Variants in CAPNS2 observed in about 807,000 individuals in gnomAD.
The protein encoded by CAPNS2 is calpain small subunit 2.
CAPNS2 carries 13 observed loss-of-function variants against 17.5 expected under a neutral mutation model. The ratio of observed to expected loss-of-function variants is 0.74; its 90% CI spans 0.48 to 1.18. CAPNS2 has a LOEUF of 1.18. Among genes scored for constraint, CAPNS2 ranks in the 50% most tolerant of loss-of-function variants. The pLI, the probability that CAPNS2 is intolerant of heterozygous loss-of-function variation, is 0.00. For missense variants in CAPNS2, 279 were observed against 301.6 expected (o/e 0.93, Z 0.55); for synonymous variants, 101 against 108.2 (o/e 0.93, Z 0.41).
At position 55,567,229 on chromosome 16, in the gene CAPNS2, A is replaced by T. The variant is rs1461910223; in HGVS notation, c.473A>T (p.Tyr158Phe). Reference sequence around the variant, plus strand: ...AACATCAAGAAATGGCAGTGTGTTTATAAGCAGTATGACAGGGACCATTCT... The same window carrying T: ...AACATCAAGAAATGGCAGTGTGTTTTTAAGCAGTATGACAGGGACCATTCT... ...WNNIKKWQCV[Y>F]KQYDRDHSGS... Residue 158 changes from tyrosine (Y) to phenylalanine (F), a missense_variant, in exon 1 of 1, where the codon TAT becomes TTT. Transcript: ENST00000457326. The T allele has an allele frequency of 6.2e-7, 1 of 1,613,708 alleles. No homozygotes were observed. The highest frequency in any genetic ancestry group is 1.3e-5 in the African/African-American group (1 of 74,922).
chr16:55,567,558 C>G lies in CAPNS2; in HGVS notation c.*55C>G. ...TGGAGGACAGGACTGAAAACCTTGC[C>G]AAGCTGTACACAGTTGCTGATACCC... On this transcript the variant is annotated 3_prime_UTR_variant, in exon 1 of 1. Transcript: ENST00000457326. 6.4e-7 allele frequency: 1 copy of G among 1,555,050 alleles called. No homozygotes were observed. Among genetic ancestry groups the G allele is most frequent in the Non-Finnish European group, 8.7e-7 (1 of 1,146,026 alleles).
At position 55,567,098 on chromosome 16, in the gene CAPNS2, T is replaced by G. The variant is rs2142413533; in HGVS notation, c.342T>G (p.Leu114=). Residue 114 remains leucine (L), a synonymous_variant, in exon 1 of 1, where the codon CTT becomes CTG. Coordinates refer to ENST00000457326, the MANE Select transcript of CAPNS2 (RefSeq NM_032330.3). ...LNKVLSKHKD[L]KTDGFSLDTC... ...AAGTCCTTTCTAAGCACAAAGATCT[T>G]AAGACTGACGGTTTTAGTCTTGACA... 6.2e-7 allele frequency: 1 copy of G among 1,613,840 alleles called. No homozygotes were observed. Among genetic ancestry groups the G allele is most frequent in the Non-Finnish European group, 8.5e-7 (1 of 1,179,872 alleles).
rs1353504833 is a variant in CAPNS2 at position 55,566,930 on chromosome 16, A to G, written c.174A>G (p.Pro58=). 1 of 1,613,780 alleles carries G rather than the reference A, an allele frequency of 6.2e-7. No individual in the cohort carries two copies. The highest frequency in any genetic ancestry group is 1.7e-5 in the Admixed American group (1 of 59,920). ...AGGCTGCAGCAGCTCAGTATACTCC[A>G]GAACCGCCTCCCACTCAGCAGCATT... is the stretch of plus-strand genomic sequence containing the variant. ...ISEAAAAQYT[P]EPPPTQQHFT... Residue 58 remains proline, a synonymous_variant, in exon 1 of 1, where the codon CCA becomes CCG. Coordinates refer to ENST00000457326, the MANE Select transcript of CAPNS2 (RefSeq NM_032330.3).
In CAPNS2 at chr16:55,567,251, T is replaced by C; in HGVS notation, c.495T>C (p.His165=). Residue 165 remains histidine (H), a synonymous_variant, in exon 1 of 1, where the codon CAT becomes CAC. Coordinates refer to ENST00000457326, the MANE Select transcript of CAPNS2 (RefSeq NM_032330.3). Reference sequence around the variant, plus strand: ...TTTATAAGCAGTATGACAGGGACCATTCTGGGTCTCTGGGAAGTTCTCAGC... The same window carrying C: ...TTTATAAGCAGTATGACAGGGACCACTCTGGGTCTCTGGGAAGTTCTCAGC... ...QCVYKQYDRD[H]SGSLGSSQLR... 1 of 1,613,640 alleles carries C rather than the reference T, an allele frequency of 6.2e-7. No homozygotes were observed. Among genetic ancestry groups the C allele is most frequent in the Non-Finnish European group, 8.5e-7 (1 of 1,179,818 alleles).
chr16:55,567,193 A>C lies in CAPNS2; in HGVS notation c.437A>C (p.Tyr146Ser). The change falls in exon 1 of 1, where the codon TAT becomes TCT. Residue 146 changes from tyrosine to serine, a missense_variant. Physicochemically the swap from Tyr to Ser is moderately radical, Grantham distance 144. Transcript: ENST00000457326. Reference sequence around the variant, plus strand: ...AAGCTGGGCTTTGAAGAATTTAAGTATCTGTGGAACAACATCAAGAAATGG... The same window carrying C: ...AAGCTGGGCTTTGAAGAATTTAAGTCTCTGTGGAACAACATCAAGAAATGG... ...TGKLGFEEFKYLWNNIKKWQC... is the reference protein window; with the variant it reads ...TGKLGFEEFKSLWNNIKKWQC... The C allele has an allele frequency of 6.2e-7, 1 of 1,613,892 alleles. No individual in the cohort carries two copies. Among genetic ancestry groups the C allele is most frequent in the Non-Finnish European group, 8.5e-7 (1 of 1,179,852 alleles).
chr16:55,567,527 C>A lies in CAPNS2; in HGVS notation c.*24C>A. On this transcript the variant is annotated 3_prime_UTR_variant, in exon 1 of 1. Coordinates refer to ENST00000457326, the MANE Select transcript of CAPNS2 (RefSeq NM_032330.3). ...GAAGTGGGAACTGAGAAGTCAAGAT[C>A]CTCCCTGGAGGACAGGACTGAAAAC... 6.2e-7 allele frequency: 1 copy of A among 1,602,164 alleles called. No homozygotes were observed. The highest frequency in any genetic ancestry group is 8.5e-7 in the Non-Finnish European group (1 of 1,173,406).
Position 55,567,000 on chromosome 16 carries a change from C to A in CAPNS2, c.244C>A (p.Arg82=). Residue 82 remains arginine, a synonymous_variant, in exon 1 of 1, where the codon CGG becomes AGG. Transcript: ENST00000457326. ...AGAAAGTGAGGAAGTTAGGCGATTT[C>A]GGCAACAATTTACACAGCTGGCTGG... ...ASESEEVRRF[R]QQFTQLAGPD... 6.2e-7 allele frequency: 1 copy of A among 1,613,876 alleles called. No individual in the cohort carries two copies. Among genetic ancestry groups the A allele is most frequent in the Non-Finnish European group, 8.5e-7 (1 of 1,179,878 alleles).
chr16:55,567,130 G>A lies in CAPNS2; in HGVS notation c.374G>A (p.Arg125Gln), dbSNP rs146637108. 1.5e-3 allele frequency: 2,451 copies of A among 1,613,756 alleles called. 4 individuals are homozygous for A. The highest frequency in any genetic ancestry group is 1.9e-3 in the Non-Finnish European group (2,205 of 1,179,876). ...GACGGTTTTAGTCTTGACACCTGCC[G>A]GAGCATTGTGTCTGTCATGGACAGT... ...KTDGFSLDTC[R>Q]SIVSVMDSDT... Residue 125 changes from arginine (R) to glutamine (Q), a missense_variant, in exon 1 of 1, where the codon CGG becomes CAG. Physicochemically the swap from Arg to Gln is conservative, Grantham distance 43. Transcript: ENST00000457326.
In CAPNS2 at chr16:55,567,012, A is replaced by G; in HGVS notation, c.256A>G (p.Thr86Ala). The G allele has an allele frequency of 6.2e-7, 1 of 1,613,910 alleles. No homozygotes were observed. The highest frequency in any genetic ancestry group is 1.3e-5 in the African/African-American group (1 of 75,046). Residue 86 changes from threonine (T) to alanine (A), a missense_variant, in exon 1 of 1, where the codon ACA (threonine) becomes GCA (alanine). Transcript: ENST00000457326. Reference protein sequence around the residue: ...EEVRRFRQQFTQLAGPDMEVG... With the variant: ...EEVRRFRQQFAQLAGPDMEVG... Reference sequence around the variant, plus strand: ...AGTTAGGCGATTTCGGCAACAATTTACACAGCTGGCTGGACCAGACATGGA... The same window carrying G: ...AGTTAGGCGATTTCGGCAACAATTTGCACAGCTGGCTGGACCAGACATGGA...
At position 55,567,102 on chromosome 16, in the gene CAPNS2, A is replaced by T. The variant is rs1234248196; in HGVS notation, c.346A>T (p.Thr116Ser). Reference sequence around the variant, plus strand: ...CCTTTCTAAGCACAAAGATCTTAAGACTGACGGTTTTAGTCTTGACACCTG... The same window carrying T: ...CCTTTCTAAGCACAAAGATCTTAAGTCTGACGGTTTTAGTCTTGACACCTG... ...KVLSKHKDLK[T>S]DGFSLDTCRS... Residue 116 changes from threonine (T) to serine (S), a missense_variant, in exon 1 of 1, where the codon ACT becomes TCT. Transcript: ENST00000457326. 4 of 1,613,828 alleles carry T rather than the reference A, an allele frequency of 2.5e-6. No individual in the cohort carries two copies. Among genetic ancestry groups the T allele is most frequent in the Non-Finnish European group, 2.5e-6 (3 of 1,179,866 alleles).
chr16:55,566,953 A>G lies in CAPNS2; in HGVS notation c.197A>G (p.His66Arg), dbSNP rs749172950. ...CCAGAACCGCCTCCCACTCAGCAGC[A>G]TTTCACCAGTGTGGAGGCCTCAGAA... ...YTPEPPPTQQ[H>R]FTSVEASESE... The change falls in exon 1 of 1, where the codon CAT (histidine) becomes CGT (arginine). Residue 66 changes from histidine (H) to arginine (R), a missense_variant. Physicochemically the swap from His to Arg is conservative, Grantham distance 29. Coordinates refer to ENST00000457326, the MANE Select transcript of CAPNS2 (RefSeq NM_032330.3). The G allele has an allele frequency of 4.3e-6, 7 of 1,613,812 alleles. No homozygotes were observed. The South Asian group carries it at 7.7e-5, about 18-fold the overall frequency.
Position 55,567,529 on chromosome 16 carries a change from T to G in CAPNS2, c.*26T>G, listed in dbSNP as rs368186212. ...AGTGGGAACTGAGAAGTCAAGATCC[T>G]CCCTGGAGGACAGGACTGAAAACCT... is the stretch of plus-strand genomic sequence containing the variant. On this transcript the variant is annotated 3_prime_UTR_variant, in exon 1 of 1. Transcript: ENST00000457326. 11 of 1,599,292 alleles carry G rather than the reference T, an allele frequency of 6.9e-6. No individual in the cohort carries two copies. The highest frequency in any genetic ancestry group is 3.4e-5 in the South Asian group (3 of 88,872).
chr16:55,567,204 A>G lies in CAPNS2; in HGVS notation c.448A>G (p.Asn150Asp). The change falls in exon 1 of 1, where the codon AAC becomes GAC. Residue 150 changes from asparagine to aspartate, a missense_variant. Coordinates refer to ENST00000457326, the MANE Select transcript of CAPNS2 (RefSeq NM_032330.3). ...GFEEFKYLWN[N>D]IKKWQCVYKQ... ...TGAAGAATTTAAGTATCTGTGGAACAACATCAAGAAATGGCAGTGTGTTTA... is the reference window on the plus strand; with the variant it reads ...TGAAGAATTTAAGTATCTGTGGAACGACATCAAGAAATGGCAGTGTGTTTA... 1 of 1,613,906 alleles carries G rather than the reference A, an allele frequency of 6.2e-7. No individual in the cohort carries two copies.
At position 55,567,564 on chromosome 16, in the gene CAPNS2, G is replaced by C; in HGVS notation, c.*61G>C. On this transcript the variant is annotated 3_prime_UTR_variant, in exon 1 of 1. Coordinates refer to ENST00000457326, the MANE Select transcript of CAPNS2 (RefSeq NM_032330.3). ...ACAGGACTGAAAACCTTGCCAAGCT[G>C]TACACAGTTGCTGATACCCTGTGCA... 1.3e-6 allele frequency: 2 copies of C among 1,528,882 alleles called. No homozygotes were observed. The highest frequency in any genetic ancestry group is 1.8e-6 in the Non-Finnish European group (2 of 1,128,340). The allele number at this position is 1,528,882 out of a possible 1,614,324, so 94.7% of individuals were successfully genotyped here.
In CAPNS2 at chr16:55,567,028, C is replaced by G. The variant is rs755928781; in HGVS notation, c.272C>G (p.Pro91Arg). ...CAACAATTTACACAGCTGGCTGGAC[C>G]AGACATGGAGGTGGGTGCCACTGAT... ...FRQQFTQLAG[P>R]DMEVGATDLM... Residue 91 changes from proline to arginine, a missense_variant, in exon 1 of 1, where the codon CCA becomes CGA. Coordinates refer to ENST00000457326, the MANE Select transcript of CAPNS2 (RefSeq NM_032330.3). 1 of 1,613,840 alleles carries G rather than the reference C, an allele frequency of 6.2e-7. No homozygotes were observed. Among genetic ancestry groups the G allele is most frequent in the Admixed American group, 1.7e-5 (1 of 59,956 alleles).
In CAPNS2 at chr16:55,566,907, G is replaced by T. The variant is rs750778469; in HGVS notation, c.151G>T (p.Ala51Ser). The change falls in exon 1 of 1, where the codon GCT becomes TCT. Residue 51 changes from alanine (A) to serine (S), a missense_variant. Coordinates refer to ENST00000457326, the MANE Select transcript of CAPNS2 (RefSeq NM_032330.3). ...VGGIVNFISE[A>S]AAAQYTPEPP... is the part of the protein sequence containing the mutation. ...AGGAATTGTGAATTTTATCAGTGAG[G>T]CTGCAGCAGCTCAGTATACTCCAGA... 3.7e-6 allele frequency: 6 copies of T among 1,613,722 alleles called. No homozygotes were observed. Among genetic ancestry groups the T allele is most frequent in the Non-Finnish European group, 5.1e-6 (6 of 1,179,860 alleles).
chr16:55,567,154 G>A lies in CAPNS2; in HGVS notation c.398G>A (p.Ser133Asn), dbSNP rs1161683939. 1 of 1,613,906 alleles carries A rather than the reference G, an allele frequency of 6.2e-7. No homozygotes were observed. The highest frequency in any genetic ancestry group is 1.7e-5 in the Admixed American group (1 of 60,000). The change falls in exon 1 of 1, where the codon AGT (serine) becomes AAT (asparagine). Residue 133 changes from serine (S) to asparagine (N), a missense_variant. Physicochemically the swap from Ser to Asn is conservative, Grantham distance 46 (BLOSUM62 1). Coordinates refer to ENST00000457326, the MANE Select transcript of CAPNS2 (RefSeq NM_032330.3). ...TCRSIVSVMDSDTTGKLGFEE... is the reference protein window; with the variant it reads ...TCRSIVSVMDNDTTGKLGFEE... ...CGGAGCATTGTGTCTGTCATGGACA[G>A]TGACACGACTGGTAAGCTGGGCTTT...
Position 55,567,136 on chromosome 16 carries a change from TTG to T in CAPNS2, c.384_385del (p.Ser129CysfsTer5). 6.2e-7 allele frequency: 1 copy of T among 1,613,888 alleles called. No individual in the cohort carries two copies. The highest frequency in any genetic ancestry group is 1.1e-5 in the South Asian group (1 of 91,076). On this transcript the variant is annotated frameshift_variant, in exon 1 of 1. Transcript: ENST00000457326. LOFTEE classifies it high-confidence loss of function. Reference sequence around the variant, plus strand: ...TTTAGTCTTGACACCTGCCGGAGCATTGTGTCTGTCATGGACAGTGACACGAC... The same window carrying T: ...TTTAGTCTTGACACCTGCCGGAGCATTGTCTGTCATGGACAGTGACACGAC...
In CAPNS2 at chr16:55,567,240, G is replaced by A; in HGVS notation, c.484G>A (p.Asp162Asn). ...ATGGCAGTGTGTTTATAAGCAGTAT[G>A]ACAGGGACCATTCTGGGTCTCTGGG... Reference protein sequence around the residue: ...KKWQCVYKQYDRDHSGSLGSS... With the variant: ...KKWQCVYKQYNRDHSGSLGSS... Residue 162 changes from aspartate to asparagine, a missense_variant, in exon 1 of 1, where the codon GAC becomes AAC. Asp to Asn is a conservative substitution (Grantham distance 23). Transcript: ENST00000457326. 1 of 1,613,736 alleles carries A rather than the reference G, an allele frequency of 6.2e-7. No individual in the cohort carries two copies. The highest frequency in any genetic ancestry group is 8.5e-7 in the Non-Finnish European group (1 of 1,179,864).
Sources: gnomAD v4.1 joint callset for allele counts on GRCh38, gnomAD v4.1.1 for gene constraint, MANE v1.5 for transcripts, NCBI Gene and HGNC (gene_info 2026-07-23, HGNC 2026-07-21) for gene names.